PDE4D: variants seen among roughly 807,000 people sequenced by gnomAD.
PDE4D encodes the protein phosphodiesterase 4D, also known as 3',5'-cyclic-AMP phosphodiesterase 4D.
PDE4D carries 24 observed loss-of-function variants against 87.4 expected under a neutral mutation model. The ratio of observed to expected loss-of-function variants is 0.27; its 90% CI spans 0.20 to 0.39. The LOEUF is 0.39. PDE4D is among the 10% of genes least tolerant of loss of function. The pLI, the probability that PDE4D is intolerant of heterozygous loss-of-function variation, is 1.00. For missense variants in PDE4D, 714 were observed against 1,041.0 expected (o/e 0.69, Z 4.32); for synonymous variants, 384 against 383.2 (o/e 1.00, Z -0.02).
chr5:59,924,065 G>A (rs989446930), intron 3 of PDE4D, among the ~76,000 whole-genome samples: 1 of 152,210 alleles, frequency 6.6e-6, no homozygotes, highest in African/African-American at 2.4e-5. Context: ...CAGAAATTCT[G>A]TAGTTGAAAA....
intron 1 of PDE4D, among the ~76,000 whole-genome samples, chr5:60,398,255 A>G (rs1217729038): frequency 2.0e-5 from 3 of 152,236 alleles, no homozygotes; most frequent in East Asian, 1.9e-4. Context: ...AGCTTCTTCC[A>G]TCCACCACTC....
chr5:60,170,528 T>G lies in PDE4D; in HGVS notation c.42+15029A>C, dbSNP rs539119872. 2.6e-5 allele frequency among the ~76,000 whole-genome samples: 4 copies of G among 151,922 alleles called. No homozygotes were observed. The South Asian group carries it at 8.3e-4, about 31-fold the overall frequency. On this transcript the variant is annotated intron_variant, in intron 2 of 16. Transcript: ENST00000502484. ...TAATAACACAGCCTAATGTACAAGG[T>G]TGTTATGAGTTGCAAATAAGGTAAT...
At chr5:60,168,835 C>T (rs1356275374) in intron 2 of PDE4D, among the ~76,000 whole-genome samples, 2 of 151,988 alleles carry the variant, frequency 1.3e-5, no homozygotes, top group Non-Finnish European at 2.9e-5. Flanking sequence ...ATGCAGAAAT[C>T]ATGAATATGA....
intron 5 of PDE4D, among the ~76,000 whole-genome samples, chr5:59,046,659 C>A (rs1237341203): frequency 8.5e-5 from 13 of 152,086 alleles, no homozygotes; most frequent in Admixed American, 2.6e-4. Flanking sequence ...ACTGAAGGTA[C>A]AAAATCCCGA....
intron 2 of PDE4D, among the ~76,000 whole-genome samples, chr5:60,063,822 T>C (rs1004724434): frequency 1.3e-5 from 2 of 152,032 alleles, no homozygotes; most frequent in African/African-American, 4.8e-5. Context: ...AGAATCTAGA[T>C]AGTAATAAAA....
intron 1 of PDE4D, among the ~76,000 whole-genome samples, chr5:59,318,290 T>G (rs1471570955): frequency 6.6e-6 from 1 of 152,172 alleles, no homozygotes; most frequent in Non-Finnish European, 1.5e-5. Context: ...CTAAAAATAA[T>G]ATTATCCATG....
chr5:60,488,326 A>G (rs1749315844), upstream of PDE4D: 1 of 152,106 alleles, frequency 6.6e-6, no homozygotes, highest in South Asian at 2.1e-4. Flanking sequence ...CACCTGGAGC[A>G]AGGTCTCTTC....
Position 60,070,357 on chromosome 5 carries a change from ATATTTG to A in PDE4D, c.43-81646_43-81641del, listed in dbSNP as rs935205101. 2.0e-5 allele frequency among the ~76,000 whole-genome samples: 3 copies of A among 152,042 alleles called. No individual in the cohort carries two copies. The East Asian group carries it at 5.8e-4, about 29-fold the overall frequency. ...GGCTTTTATTATGTTGAGGTATATA[ATATTTG>A]TATTTGTATTTGACATAATCTATTA... is the stretch of plus-strand genomic sequence containing the variant. On this transcript the variant is annotated intron_variant, in intron 2 of 16. Transcript: ENST00000502484.
At chr5:60,515,616 TTTTC>T (rs1456254294) in intron 1 of PDE4D, among the ~76,000 whole-genome samples, 1 of 149,380 alleles carries the variant, frequency 6.7e-6, no homozygotes, top group African/African-American at 2.5e-5. Context: ...TTTTTTTTTT[TTTTC>T]TGTCAGGATG....
intron 1 of PDE4D, among the ~76,000 whole-genome samples, chr5:59,866,576 G>C (rs1322982960): frequency 1.3e-5 from 2 of 152,152 alleles, no homozygotes; most frequent in African/African-American, 4.8e-5. Flanking sequence ...TTGAGCCCAG[G>C]AGTTTGAGGT....
intron 1 of PDE4D, among the ~76,000 whole-genome samples, chr5:59,403,328 T>C (rs900207044): frequency 6.6e-6 from 1 of 152,200 alleles, no homozygotes; most frequent in Admixed American, 6.5e-5. Flanking sequence ...TCTTAGTTAT[T>C]TTGAGATGTA....
intron 3 of PDE4D, among the ~76,000 whole-genome samples, chr5:59,963,183 T>A (rs1759664566): frequency 6.6e-6 from 1 of 152,214 alleles, no homozygotes; most frequent in Non-Finnish European, 1.5e-5. Context: ...TAGCATATTG[T>A]CAGTGGAAGA....
intron 1 of PDE4D, among the ~76,000 whole-genome samples, chr5:60,263,717 A>T (rs1749884756): frequency 6.6e-6 from 1 of 152,160 alleles, no homozygotes; most frequent in African/African-American, 2.4e-5. Flanking sequence ...ATAGAGGCAT[A>T]CCTACCTGGT....
At chr5:60,493,706 T>A (rs998485603) in intron 1 of PDE4D, among the ~76,000 whole-genome samples, 2 of 152,102 alleles carry the variant, frequency 1.3e-5, no homozygotes, top group African/African-American at 4.8e-5. Context: ...TGCTTCCTAT[T>A]CCTGAGAACC....
At chr5:60,151,078 C>T (rs1781460830) in intron 2 of PDE4D, among the ~76,000 whole-genome samples, 1 of 152,188 alleles carries the variant, frequency 6.6e-6, no homozygotes, top group Non-Finnish European at 1.5e-5. Context: ...GGATAACACA[C>T]TGATTATTTG....
intron 5 of PDE4D, among the ~76,000 whole-genome samples, chr5:59,056,837 A>C (rs1315223393): frequency 6.6e-6 from 1 of 152,144 alleles, no homozygotes; most frequent in Non-Finnish European, 1.5e-5. Flanking sequence ...ATTAAAAATG[A>C]CTTTTTAAAG....
intron 1 of PDE4D, among the ~76,000 whole-genome samples, chr5:59,371,549 G>C (rs1201808614): frequency 6.6e-6 from 1 of 151,960 alleles, no homozygotes; most frequent in East Asian, 1.9e-4. Flanking sequence ...CAGTTAAGGT[G>C]GTTTTTGATC....
chr5:60,169,232 G>C (rs943278711), intron 2 of PDE4D, among the ~76,000 whole-genome samples: 1 of 152,056 alleles, frequency 6.6e-6, no homozygotes, highest in East Asian at 1.9e-4. Flanking sequence ...TCAAAAACAT[G>C]GGCAAAATTA....
chr5:59,250,391 G>A (rs1404818366), intron 1 of PDE4D, among the ~76,000 whole-genome samples: 3 of 151,194 alleles, frequency 2.0e-5, no homozygotes, highest in Admixed American at 2.0e-4. Context: ...TACTCATGAG[G>A]TTGAGGTGGG....
Sources: allele counts gnomAD v4.1 joint callset (sites outside exome capture counted in the v4.1 genomes callset), GRCh38; gene constraint gnomAD v4.1.1; transcripts MANE v1.5; gene names NCBI Gene and HGNC (gene_info 2026-07-23, HGNC 2026-07-21).